SDK1: variants seen among roughly 807,000 people sequenced by gnomAD.
SDK1 encodes the protein protein sidekick-1.
SDK1 carries 157 observed loss-of-function variants against 245.5 expected under a neutral mutation model. The ratio of observed to expected loss-of-function variants is 0.64; its 90% confidence interval spans 0.56 to 0.73. The LOEUF (loss-of-function observed/expected upper bound fraction) is 0.73. SDK1 is among the 30% of genes least tolerant of loss of function. The pLI is 0.00. For synonymous variants in SDK1, 1,647 were observed against 1,278.5 expected (o/e 1.29, Z -6.15); for missense variants, 3,583 against 3,002.3 (o/e 1.19, Z -4.52).
intron 1 of SDK1, among the ~76,000 whole-genome samples, chr7:3,567,756 C>A (rs1221961343): frequency 6.6e-6 from 1 of 152,138 alleles, no homozygotes; most frequent in Non-Finnish European, 1.5e-5. Flanking sequence ...CCTTTGATGG[C>A]TGCATAACAT....
chr7:3,423,889 A>T (rs1272872913), intron 1 of SDK1, among the ~76,000 whole-genome samples: 1 of 152,168 alleles, frequency 6.6e-6, no homozygotes, highest in East Asian at 1.9e-4. Context: ...TCTGAACATT[A>T]AACAAATGGT....
At chr7:3,443,578 C>G (rs375116167) in intron 1 of SDK1, among the ~76,000 whole-genome samples, 17 of 152,262 alleles carry the variant, frequency 1.1e-4, no homozygotes, top group Admixed American at 4.6e-4. Context: ...ATCCATAGTG[C>G]TAGCTGAATT....
chr7:3,360,687 A>C (rs1780927135), intron 1 of SDK1, among the ~76,000 whole-genome samples: 1 of 152,176 alleles, frequency 6.6e-6, no homozygotes, highest in South Asian at 2.1e-4. Flanking sequence ...TGCTGCTGTC[A>C]CTATCCCAAC....
rs547984966 is a variant in SDK1, at chr7:4,147,240, A to T, written c.4423+1324A>T. On this transcript the variant is annotated intron_variant, in intron 29 of 44. Transcript: ENST00000404826. Reference sequence around the variant, plus strand: ...CTGTTGCCCAGGCTGGAGTGCAGTTATGTGATCATAGGTCACCGCAGCCTG... The same window carrying T: ...CTGTTGCCCAGGCTGGAGTGCAGTTTTGTGATCATAGGTCACCGCAGCCTG... Among the ~76,000 whole-genome samples the T allele has an allele frequency of 4.6e-4, 70 of 151,998 alleles. 1 individual carries two copies. The highest frequency in any genetic ancestry group is 1.6e-3 in the African/African-American group (66 of 41,450).
At chr7:3,491,936 A>T (rs576882064) in intron 1 of SDK1, among the ~76,000 whole-genome samples, 10 of 152,256 alleles carry the variant, frequency 6.6e-5, no homozygotes, top group Admixed American at 6.5e-4. Flanking sequence ...TTTAGCTGAT[A>T]CAGTGAATAC....
At chr7:3,971,055 G>A (rs1203231434) in intron 11 of SDK1, among the ~76,000 whole-genome samples, 1 of 152,162 alleles carries the variant, frequency 6.6e-6, no homozygotes, top group Non-Finnish European at 1.5e-5. Flanking sequence ...GTGTCTTGAG[G>A]AATAAACACA....
intron 4 of SDK1, among the ~76,000 whole-genome samples, chr7:3,724,084 C>T (rs570419884): frequency 1.3e-5 from 2 of 151,938 alleles, no homozygotes; most frequent in Admixed American, 1.3e-4. Flanking sequence ...CTGCCTTAGC[C>T]TCCCAAGTAG....
chr7:3,440,770 G>A (rs995112115), intron 1 of SDK1, among the ~76,000 whole-genome samples: 1 of 152,148 alleles, frequency 6.6e-6, no homozygotes, highest in Non-Finnish European at 1.5e-5. Context: ...GTAAATTTAT[G>A]CTGGTCTTGC....
intron 17 of SDK1, among the ~76,000 whole-genome samples, chr7:4,030,947 T>G (rs963231971): frequency 2.0e-5 from 3 of 152,170 alleles, no homozygotes; most frequent in Admixed American, 2.0e-4. Flanking sequence ...GACATCGAAC[T>G]TAGATTTGTT....
At chr7:3,540,126 G>T (rs1398880074) in intron 1 of SDK1, among the ~76,000 whole-genome samples, 1 of 152,206 alleles carries the variant, frequency 6.6e-6, no homozygotes, top group Admixed American at 6.5e-5. Context: ...GAAGAGGGAG[G>T]CCGGGTGTGG....
intron 4 of SDK1, among the ~76,000 whole-genome samples, chr7:3,657,303 T>C (rs1160149204): frequency 6.6e-6 from 1 of 152,148 alleles, no homozygotes; most frequent in African/African-American, 2.4e-5. Flanking sequence ...CAGCTGCAGC[T>C]GTCTGGAGGT....
rs961399802 is a variant in SDK1 at position 4,026,397 on chromosome 7, A to G, written c.2602+9045A>G. On this transcript the variant is annotated intron_variant, in intron 17 of 44. Coordinates refer to ENST00000404826, the MANE Select transcript of SDK1 (RefSeq NM_152744.4). The surrounding 1 kb of genome is among the most constrained non-coding windows in gnomAD (Gnocchi z 4.1). ...GATATATTTTAGGAATGAAACTGGT[A>G]TTTTGTGAATAGAAATAACATCTTG... is the stretch of plus-strand genomic sequence containing the variant. Among the ~76,000 whole-genome samples, 4 of 152,208 alleles carry G rather than the reference A, an allele frequency of 2.6e-5. No individual in the cohort carries two copies. Among genetic ancestry groups the G allele is most frequent in the Non-Finnish European group, 5.9e-5 (4 of 68,040 alleles).
At chr7:4,019,138 C>T (rs1422607031) in intron 17 of SDK1, among the ~76,000 whole-genome samples, 1 of 152,120 alleles carries the variant, frequency 6.6e-6, no homozygotes, top group Non-Finnish European at 1.5e-5. Context: ...TACAGTGGGA[C>T]TGGGTATAAA....
chr7:3,971,110 C>T (rs552959337), intron 11 of SDK1, among the ~76,000 whole-genome samples: 22 of 152,262 alleles, frequency 1.4e-4, no homozygotes, highest in South Asian at 2.1e-4. Flanking sequence ...ACCATGCAGA[C>T]GCTAGAAATG....
At position 3,789,274 on chromosome 7, in the gene SDK1, A is replaced by G. The variant is rs1422970341; in HGVS notation, c.714-32176A>G. On this transcript the variant is annotated intron_variant, in intron 4 of 44. Transcript: ENST00000404826. ...GCGATTCTCCTGCCTCAGCCTCCCA[A>G]GTAGCTGGGATTCCAGGCATGCGCC... Among the ~76,000 whole-genome samples, 8 of 152,046 alleles carry G rather than the reference A, an allele frequency of 5.3e-5. No homozygotes were observed. The East Asian group carries it at 1.2e-3, about 22-fold the overall frequency.
chr7:4,244,457 G>T (rs530195063), intron 43 of SDK1, among the ~76,000 whole-genome samples: 1 of 152,284 alleles, frequency 6.6e-6, no homozygotes, highest in East Asian at 1.9e-4. Flanking sequence ...CAGCAATGTT[G>T]TACTCAGAGT....
chr7:3,681,828 A>G (rs186558345), intron 4 of SDK1, among the ~76,000 whole-genome samples: 106 of 152,330 alleles, frequency 7.0e-4, no homozygotes, highest in African/African-American at 2.3e-3. Context: ...GATTAGAACA[A>G]ACAGAGGTAT....
At chr7:3,940,679 G>T (rs528238156) in intron 5 of SDK1, among the ~76,000 whole-genome samples, 2 of 152,092 alleles carry the variant, frequency 1.3e-5, no homozygotes, top group East Asian at 3.9e-4. Flanking sequence ...AAAATAGCCG[G>T]GTGTCGTGGC....
intron 4 of SDK1, among the ~76,000 whole-genome samples, chr7:3,713,108 C>T (rs186738160): frequency 1.1e-4 from 17 of 152,320 alleles, no homozygotes; most frequent in South Asian, 8.3e-4. Context: ...TCTTGCACAG[C>T]GGGGAGCAGG....
Sources: gnomAD v4.1 joint callset for allele counts (sites outside exome capture counted in the v4.1 genomes callset) on GRCh38, gnomAD v4.1.1 for gene constraint, Gnocchi (gnomAD v3.1) non-coding constraint, MANE v1.5 for transcripts, NCBI Gene and HGNC (gene_info 2026-07-23, HGNC 2026-07-21) for gene names.